DSPP: variants seen among roughly 807,000 people sequenced by gnomAD.
DSPP encodes dentin sialophosphoprotein, also known as deafness, autosomal dominant 39.
Under a neutral mutation model 29.1 loss-of-function variants are expected in DSPP, and 28 were observed. The observed-to-expected ratio is 0.96, with a 90% CI of 0.71 to 1.32. The LOEUF is 1.32. DSPP is among the 40% of genes most tolerant of loss of function. The pLI, the probability that DSPP is intolerant of heterozygous loss-of-function variation, is 0.00. For synonymous variants in DSPP, 481 were observed against 503.4 expected (o/e 0.96, Z 0.60); for missense variants, 1,281 against 1,629.9 (o/e 0.79, Z 3.69).
rs1427107888 is a variant in DSPP at position 87,612,466 on chromosome 4, T to C, written c.280T>C (p.Ser94Pro). Residue 94 changes from serine (S) to proline (P), a missense_variant, in exon 4 of 5, where the codon TCT (serine) becomes CCT (proline). Coordinates refer to ENST00000651931, the MANE Select transcript of DSPP (RefSeq NM_014208.3). ...GGCAGAAGTAGGAGGGAAGAGTTTTTCTACATATTCCACATTAGCAAACGA... is the reference window on the plus strand; with the variant it reads ...GGCAGAAGTAGGAGGGAAGAGTTTTCCTACATATTCCACATTAGCAAACGA... ...KWAEVGGKSF[S>P]TYSTLANEEG... 6.2e-7 allele frequency: 1 copy of C among 1,613,964 alleles called. No individual in the cohort carries two copies. Among genetic ancestry groups the C allele is most frequent in the South Asian group, 1.1e-5 (1 of 91,054 alleles).
chr4:87,614,909 C>A lies in DSPP; in HGVS notation c.2247C>A (p.Ser749Arg), dbSNP rs1388764394. 6.4e-7 allele frequency: 1 copy of A among 1,550,410 alleles called. No individual in the cohort carries two copies. The highest frequency in any genetic ancestry group is 8.7e-7 in the Non-Finnish European group (1 of 1,146,422). The change falls in exon 5 of 5, where the codon AGC becomes AGA. Residue 749 changes from serine (S) to arginine (R), a missense_variant. Ser to Arg is a moderately radical substitution (Grantham distance 110, BLOSUM62 -1). Coordinates refer to ENST00000651931, the MANE Select transcript of DSPP (RefSeq NM_014208.3). ...NSSDSSDSSD[S>R]SNSSDSSDSS... ...GTGACAGCAGTGATAGCAGTGACAG[C>A]AGCAACAGCAGTGACAGTAGCGATA...
At position 87,615,921 on chromosome 4, in the gene DSPP, AGCAG is replaced by A; in HGVS notation, c.3260_3263del (p.Ser1087MetfsTer226). The A allele has an allele frequency of 1.2e-5, 3 of 257,850 alleles. No homozygotes were observed. The highest frequency in any genetic ancestry group is 5.0e-6 in the Non-Finnish European group (1 of 201,314). The allele number at this position is 257,850 out of a possible 1,614,324, so 16.0% of individuals were successfully genotyped here. ...CAGTGATAGCAGTGAAAGCAGTGAT[AGCAG>A]TGACAGCAGCAATAGCAGTGACAGC... On this transcript the variant is annotated frameshift_variant, in exon 5 of 5. Transcript: ENST00000651931. LOFTEE classifies it low-confidence loss of function (END_TRUNC).
Position 87,615,376 on chromosome 4 carries a change from G to A in DSPP, c.2714G>A (p.Ser905Asn), listed in dbSNP as rs1307073140. The A allele has an allele frequency of 3.3e-6, 5 of 1,515,882 alleles. No individual in the cohort carries two copies. The Admixed American group carries it at 8.3e-5, about 25-fold the overall frequency. The allele number at this position is 1,515,882 out of a possible 1,614,324, so 93.9% of individuals were successfully genotyped here. A position where few individuals can be genotyped will look rare whatever the true frequency, so the allele number is the denominator to read the frequency against. ...AGCAGCAACAGCAGTGATAGTGACA[G>A]CAGTGATAGCAGCAACAGCAGTGAC... is the stretch of plus-strand genomic sequence containing the variant. ...SDSSNSSDSD[S>N]SDSSNSSDSS... The change falls in exon 5 of 5, where the codon AGC becomes AAC. Residue 905 changes from serine to asparagine, a missense_variant. Transcript: ENST00000651931.
Position 87,614,302 on chromosome 4 carries a change from C to A in DSPP, c.1640C>A (p.Ser547Ter). Reference sequence around the variant, plus strand: ...AAATCAGACAGTGGCAAAGGTAAATCAGATAGCAGTGACAGTGATAGTAGT... The same window carrying A: ...AAATCAGACAGTGGCAAAGGTAAATAAGATAGCAGTGACAGTGATAGTAGT... ...NDKSDSGKGK[S>*]DSSDSDSSDS... is the part of the protein sequence containing the mutation. Residue 547 changes from serine to a stop codon, truncating the protein, a stop_gained, in exon 5 of 5, where the codon TCA becomes TAA. Transcript: ENST00000651931. LOFTEE classifies it low-confidence loss of function (END_TRUNC). 1 of 1,613,674 alleles carries A rather than the reference C, an allele frequency of 6.2e-7. No individual in the cohort carries two copies. The highest frequency in any genetic ancestry group is 8.5e-7 in the Non-Finnish European group (1 of 1,179,708).
Position 87,616,415 on chromosome 4 carries a change from C to A in DSPP, c.3753C>A (p.Asp1251Glu). The A allele has an allele frequency of 6.5e-7, 1 of 1,548,766 alleles. No individual in the cohort carries two copies. The highest frequency in any genetic ancestry group is 1.4e-5 in the African/African-American group (1 of 72,546). The change falls in exon 5 of 5, where the codon GAC becomes GAA. Residue 1251 changes from aspartate to glutamate, a missense_variant. This residue lies in a region of DSPP where 134 missense variants were observed against 185.0 expected (regional missense o/e 0.72). Coordinates refer to ENST00000651931, the MANE Select transcript of DSPP (RefSeq NM_014208.3). ...GCAGTGACAGCAGCAACAGCAGTGA[C>A]AGCAGCGACAGCAGTGATAGCAGTG... ...SDSSDSSNSS[D>E]SSDSSDSSDS...
In DSPP at chr4:87,612,662, A is replaced by G. The variant is rs1405069844; in HGVS notation, c.476A>G (p.Asp159Gly). ...AGAAGCAACACTAATGGAAATACTG[A>G]TAAGAATACCCAAAATGGGGATGTT... ...TNRSNTNGNT[D>G]KNTQNGDVGD... Residue 159 changes from aspartate to glycine, a missense_variant, in exon 4 of 5, where the codon GAT becomes GGT. Asp to Gly is a moderately conservative substitution (Grantham distance 94). Around this residue, in one of 4 missense-constraint regions of DSPP, gnomAD observed 631 missense variants for 643.2 expected, o/e 0.98. Coordinates refer to ENST00000651931, the MANE Select transcript of DSPP (RefSeq NM_014208.3). 3.7e-6 allele frequency: 6 copies of G among 1,614,162 alleles called. No individual in the cohort carries two copies. Among genetic ancestry groups the G allele is most frequent in the South Asian group, 1.1e-5 (1 of 91,068 alleles).
Position 87,616,356 on chromosome 4 carries a change from A to G in DSPP, c.3694A>G (p.Asn1232Asp). Reference protein sequence around the residue: ...SSDSSDSSDSNESSDSSDSSD... With the variant: ...SSDSSDSSDSDESSDSSDSSD... ...TGACAGCAGCGACAGCAGTGACAGC[A>G]ATGAAAGCAGCGACAGCAGTGACAG... Residue 1232 changes from asparagine (N) to aspartate (D), a missense_variant, in exon 5 of 5, where the codon AAT becomes GAT. By Grantham distance (23) the Asn-to-Asp change is conservative. Transcript: ENST00000651931. 6.7e-7 allele frequency: 1 copy of G among 1,485,906 alleles called. No individual in the cohort carries two copies. Among genetic ancestry groups the G allele is most frequent in the Non-Finnish European group, 9.0e-7 (1 of 1,115,644 alleles). The allele number at this position is 1,485,906 out of a possible 1,614,324, so 92.0% of individuals were successfully genotyped here.
rs1727753992 is a variant in DSPP at position 87,612,468 on chromosome 4, T to C, written c.282T>C (p.Ser94=). Residue 94 remains serine (S), a synonymous_variant, in exon 4 of 5, where the codon TCT becomes TCC. Transcript: ENST00000651931. ...CAGAAGTAGGAGGGAAGAGTTTTTC[T>C]ACATATTCCACATTAGCAAACGAAG... The part of the protein sequence containing the change: ...KWAEVGGKSF[S]TYSTLANEEG... 6.2e-7 allele frequency: 1 copy of C among 1,613,864 alleles called. No homozygotes were observed. The highest frequency in any genetic ancestry group is 8.5e-7 in the Non-Finnish European group (1 of 1,179,958).
In DSPP at chr4:87,610,881, C is replaced by A. The variant is rs1419902312; in HGVS notation, c.-28C>A. 3 of 1,584,982 alleles carry A rather than the reference C, an allele frequency of 1.9e-6. No individual in the cohort carries two copies. Among genetic ancestry groups the A allele is most frequent in the African/African-American group, 2.7e-5 (2 of 74,318 alleles). ...TTTGTGCTGTTCCTTTTTTATACAG[C>A]CATTGATTATTATTATTCCTAAAGA... On this transcript the variant is annotated splice_region_variant and 5_prime_UTR_variant, in exon 2 of 5. Coordinates refer to ENST00000651931, the MANE Select transcript of DSPP (RefSeq NM_014208.3).
chr4:87,615,659 T>TGAA lies in DSPP; in HGVS notation c.2997_2998insGAA (p.Asp999_Ser1000insGlu), dbSNP rs1727877376. On this transcript the variant is annotated inframe_insertion, in exon 5 of 5. Transcript: ENST00000651931. ...GCAGTGACAGCAGTGACAGCAGTGA[T>TGAA]AGCAGCAACAGCAGTGATAGCAGTG... The TGAA allele has an allele frequency of 6.6e-7, 1 of 1,519,884 alleles. No homozygotes were observed. The allele number at this position is 1,519,884 out of a possible 1,614,324, so 94.1% of individuals were successfully genotyped here. A position where few individuals can be genotyped will look rare whatever the true frequency, so the allele number is the denominator to read the frequency against.
rs1487622801 is a variant in DSPP, at chr4:87,610,077, A to G, written c.-28-804A>G. ...GTTTTTTTCTGTGCTTTGCATTGGA[A>G]TACAATAATCACCAAGACACTCTCC... On this transcript the variant is annotated intron_variant, in intron 1 of 4. Coordinates refer to ENST00000651931, the MANE Select transcript of DSPP (RefSeq NM_014208.3). Among the ~76,000 whole-genome samples, 3 of 152,302 alleles carry G rather than the reference A, an allele frequency of 2.0e-5. No individual in the cohort carries two copies. In the East Asian group the frequency reaches 5.8e-4, roughly 29 times the overall value.
rs1249120104 is a variant in DSPP at position 87,614,069 on chromosome 4, T to C, written c.1407T>C (p.Asp469=). 11 of 1,614,132 alleles carry C rather than the reference T, an allele frequency of 6.8e-6. No individual in the cohort carries two copies. Among genetic ancestry groups the C allele is most frequent in the Non-Finnish European group, 8.5e-6 (10 of 1,180,056 alleles). ...AAGGAGATGATCCCAATAGCAGTGA[T>C]GAATCTAATGGCAATGATGATGCTA... The part of the protein sequence containing the change: ...SMQGDDPNSS[D]ESNGNDDANS... The change falls in exon 5 of 5, where the codon GAT becomes GAC. Residue 469 remains aspartate, a synonymous_variant. Coordinates refer to ENST00000651931, the MANE Select transcript of DSPP (RefSeq NM_014208.3).
At position 87,615,383 on chromosome 4, in the gene DSPP, TAGC is replaced by T. The variant is rs772523086; in HGVS notation, c.2726_2728del (p.Ser909del). 2.5e-5 allele frequency: 38 copies of T among 1,507,488 alleles called. No individual in the cohort carries two copies. Among genetic ancestry groups the T allele is most frequent in the Non-Finnish European group, 3.2e-5 (36 of 1,125,942 alleles). 93.4% of individuals were successfully genotyped at this position (1,507,488 alleles called of 1,614,324 possible). On this transcript the variant is annotated inframe_deletion, in exon 5 of 5. Transcript: ENST00000651931. ...ACAGCAGTGATAGTGACAGCAGTGA[TAGC>T]AGCAACAGCAGTGACAGCAGTGATA...
Position 87,612,878 on chromosome 4 carries a change from C to T in DSPP, c.692C>T (p.Pro231Leu), listed in dbSNP as rs1727765152. Residue 231 changes from proline to leucine, a missense_variant, in exon 4 of 5, where the codon CCA becomes CTA. Physicochemically the swap from Pro to Leu is moderately conservative, Grantham distance 98 (BLOSUM62 -3). Coordinates refer to ENST00000651931, the MANE Select transcript of DSPP (RefSeq NM_014208.3). The stretch of plus-strand genomic sequence containing the variant: ...GGGACTAAGGAAGCTGAGGTAACAC[C>T]AGGCACTGGAGAAGATGCTGGCCTG... ...RNGTKEAEVT[P>L]GTGEDAGLDN... 6.2e-7 allele frequency: 1 copy of T among 1,614,074 alleles called. No individual in the cohort carries two copies. The highest frequency in any genetic ancestry group is 8.5e-7 in the Non-Finnish European group (1 of 1,180,006).
rs1727960996 is a variant in DSPP at position 87,616,533 on chromosome 4, G to C, written c.3871G>C (p.Gly1291Arg). The C allele has an allele frequency of 6.4e-7, 1 of 1,551,728 alleles. No individual in the cohort carries two copies. Among genetic ancestry groups the C allele is most frequent in the Non-Finnish European group, 8.7e-7 (1 of 1,146,998 alleles). ...AAGTGACAGTGACAGTGACAGTGAA[G>C]GCAGTGACAGTAACCACTCAACCAG... is the stretch of plus-strand genomic sequence containing the variant. ...NGSDSDSDSE[G>R]SDSNHSTSDD Residue 1291 changes from glycine to arginine, a missense_variant, in exon 5 of 5, where the codon GGC becomes CGC. Gly to Arg is a moderately radical substitution (Grantham distance 125). Transcript: ENST00000651931.
Position 87,616,499 on chromosome 4 carries a change from C to T in DSPP, c.3837C>T (p.Asn1279=), listed in dbSNP as rs1226888785. Residue 1279 remains asparagine, a synonymous_variant, in exon 5 of 5, where the codon AAC becomes AAT. Transcript: ENST00000651931. ...SDSQSKSGNG[N]NNGSDSDSDS... is the part of the protein sequence containing the mutation. ...GCCAGAGCAAGTCTGGTAACGGTAA[C>T]AACAATGGAAGTGACAGTGACAGTG... is the stretch of plus-strand genomic sequence containing the variant. The T allele has an allele frequency of 6.4e-6, 10 of 1,551,730 alleles. No homozygotes were observed. In the South Asian group the frequency reaches 1.1e-4, roughly 17 times the overall value.
In DSPP at chr4:87,615,917, T is replaced by TGATAGCAGC. The variant is rs1553904409; in HGVS notation, c.3263_3264insCGATAGCAG (p.Asp1089_Ser1091dup). On this transcript the variant is annotated inframe_insertion, in exon 5 of 5. Coordinates refer to ENST00000651931, the MANE Select transcript of DSPP (RefSeq NM_014208.3). ...ACAGCAGTGATAGCAGTGAAAGCAGTGATAGCAGTGACAGCAGCAATAGCA... is the reference window on the plus strand; with the variant it reads ...ACAGCAGTGATAGCAGTGAAAGCAGTGATAGCAGCGATAGCAGTGACAGCAGCAATAGCA... 23 of 1,000,728 alleles carry TGATAGCAGC rather than the reference T, an allele frequency of 2.3e-5. 1 individual carries two copies. In the African/African-American group the frequency reaches 5.3e-4, roughly 23 times the overall value. The allele number at this position is 1,000,728 out of a possible 1,614,324, so 62.0% of individuals were successfully genotyped here.
At position 87,615,711 on chromosome 4, in the gene DSPP, A is replaced by C. The variant is rs765721632; in HGVS notation, c.3049A>C (p.Asn1017His). 1.4e-6 allele frequency: 2 copies of C among 1,386,248 alleles called. No individual in the cohort carries two copies. The highest frequency in any genetic ancestry group is 1.9e-6 in the Non-Finnish European group (2 of 1,061,344). 85.9% of individuals were successfully genotyped at this position (1,386,248 alleles called of 1,614,324 possible). A position where few individuals can be genotyped will look rare whatever the true frequency, so the allele number is the denominator to read the frequency against. ...SDSSDSSDSS[N>H]SSDSSNSSDS... ...CAGCAGTGACAGCAGTGATAGCAGT[A>C]ATAGTAGTGACAGCAGCAATAGCAG... Residue 1017 changes from asparagine (N) to histidine (H), a missense_variant, in exon 5 of 5, where the codon AAT becomes CAT. Transcript: ENST00000651931.
rs772215869 is a variant in DSPP, at chr4:87,615,941, C to T, written c.3279C>T (p.Ser1093=). ...GTGATAGCAGTGACAGCAGCAATAG[C>T]AGTGACAGCAGCGATAGCAGCGACA... The part of the protein sequence containing the change: ...ESSDSSDSSN[S]SDSSDSSDSS... The change falls in exon 5 of 5, where the codon AGC becomes AGT. Residue 1093 remains serine, a synonymous_variant. Coordinates refer to ENST00000651931, the MANE Select transcript of DSPP (RefSeq NM_014208.3). 1.7e-6 allele frequency: 1 copy of T among 597,828 alleles called. No homozygotes were observed. The highest frequency in any genetic ancestry group is 2.5e-6 in the Non-Finnish European group (1 of 405,642). 37.0% of individuals were successfully genotyped at this position (597,828 alleles called of 1,614,324 possible).
Sources: gnomAD v4.1 joint callset for allele counts (sites outside exome capture counted in the v4.1 genomes callset) on GRCh38, gnomAD v4.1.1 for gene constraint, gnomAD v4.1.1 regional missense constraint, MANE v1.5 for transcripts, NCBI Gene and HGNC (gene_info 2026-07-23, HGNC 2026-07-21) for gene names.